SIL1: variants seen among roughly 807,000 people sequenced by gnomAD.
The protein encoded by SIL1 is SIL1 nucleotide exchange factor.
SIL1 carries 40 observed loss-of-function variants against 49.1 expected under a neutral mutation model. That is an observed-to-expected ratio of 0.81 (90% CI 0.63 to 1.06). The LOEUF is 1.06. SIL1 is among the 50% of genes least tolerant of loss of function. The pLI is 0.00. For missense variants in SIL1, 500 were observed against 572.6 expected, an observed-to-expected ratio of 0.87 and a Z score of 1.29; for synonymous variants, 253 against 250.8, an observed-to-expected ratio of 1.01 and a Z score of -0.08.
intron 7 of SIL1, among the ~76,000 whole-genome samples, chr5:138,955,862 G>C (rs548227110): frequency 1.2e-4 from 18 of 152,238 alleles, no homozygotes; most frequent in Non-Finnish European, 2.2e-4. Context: ...TCCTGCTCCA[G>C]GGTCAACCAA....
intron 3 of SIL1, among the ~76,000 whole-genome samples, chr5:139,082,699 A>C (rs1208862246): frequency 1.3e-5 from 2 of 152,200 alleles, no homozygotes; most frequent in African/African-American, 4.8e-5. Context: ...TGGTGTCTTG[A>C]TGAACTGCTG....
chr5:139,002,232 G>A (rs1489297116), intron 7 of SIL1, among the ~76,000 whole-genome samples: 1 of 151,606 alleles, frequency 6.6e-6, no homozygotes, highest in Non-Finnish European at 1.5e-5. Flanking sequence ...AAATAGATAT[G>A]ATACACACCA....
chr5:139,149,534 T>C (rs1751257617), intron 1 of SIL1, among the ~76,000 whole-genome samples: 1 of 152,020 alleles, frequency 6.6e-6, no homozygotes, highest in South Asian at 2.1e-4. Flanking sequence ...CAATACACAC[T>C]CTTAAGGAGA....
At chr5:139,019,174 T>C (rs2150426568) in intron 7 of SIL1, among the ~76,000 whole-genome samples, 1 of 152,340 alleles carries the variant, frequency 6.6e-6, no homozygotes, top group African/African-American at 2.4e-5. Flanking sequence ...GTGTTGTGTA[T>C]TTGTGCACAT....
At chr5:138,958,815 G>A (rs1287750084) in intron 7 of SIL1, among the ~76,000 whole-genome samples, 1 of 151,072 alleles carries the variant, frequency 6.6e-6, no homozygotes, top group African/African-American at 2.4e-5. Flanking sequence ...TTTGTCAAAT[G>A]ATGATATTCA....
intron 7 of SIL1, among the ~76,000 whole-genome samples, chr5:139,002,397 T>C (rs931748931): frequency 9.9e-5 from 15 of 152,170 alleles, no homozygotes; most frequent in Non-Finnish European, 1.3e-4. Flanking sequence ...GAGCGTAAGA[T>C]TTTCTGAACT....
intron 3 of SIL1, among the ~76,000 whole-genome samples, chr5:139,080,946 T>C (rs1770059493): frequency 6.6e-6 from 1 of 152,378 alleles, no homozygotes; most frequent in South Asian, 2.1e-4. Flanking sequence ...TCAATTTATA[T>C]TTAAGCAGTC....
intron 7 of SIL1, among the ~76,000 whole-genome samples, chr5:138,974,851 T>C (rs1370971755): frequency 1.3e-5 from 2 of 152,206 alleles, no homozygotes; most frequent in Non-Finnish European, 2.9e-5. Context: ...GCTTCATGTG[T>C]ATCATCCTAC....
chr5:138,973,167 C>T (rs1391976478), intron 7 of SIL1, among the ~76,000 whole-genome samples: 2 of 139,982 alleles, frequency 1.4e-5, no homozygotes, highest in East Asian at 2.1e-4. Flanking sequence ...CAAACCTGCG[C>T]GTTGTGCACA....
chr5:139,132,770 G>A (rs1750891145), intron 1 of SIL1, among the ~76,000 whole-genome samples: 1 of 152,208 alleles, frequency 6.6e-6, no homozygotes, highest in African/African-American at 2.4e-5. Flanking sequence ...TACTCAAGAA[G>A]TGGCAGGCAT....
At chr5:139,024,341 G>A (rs1768597724) in intron 6 of SIL1, among the ~76,000 whole-genome samples, 2 of 152,222 alleles carry the variant, frequency 1.3e-5, no homozygotes, top group African/African-American at 4.8e-5. Context: ...AGGGGAAAGA[G>A]AACCGAGGTT....
intron 1 of SIL1, among the ~76,000 whole-genome samples, chr5:139,145,577 C>A (rs1344298080): frequency 6.6e-6 from 1 of 151,674 alleles, no homozygotes; most frequent in Non-Finnish European, 1.5e-5. Context: ...ATGACTCAAA[C>A]AGCCATCACA....
intron 3 of SIL1, chr5:139,107,950 A>C (rs1028330441): frequency 6.6e-6 from 1 of 152,222 alleles, no homozygotes; most frequent in East Asian, 1.9e-4. Flanking sequence ...ACTAGCTATA[A>C]AAGACAGAGC....
At chr5:139,163,240 T>C (rs1350471582) in intron 1 of SIL1, among the ~76,000 whole-genome samples, 1 of 152,150 alleles carries the variant, frequency 6.6e-6, no homozygotes, top group Non-Finnish European at 1.5e-5. Context: ...GACGTGCTCC[T>C]TAAGAAATTG....
chr5:139,068,023 G>A (rs1470809876), intron 3 of SIL1, among the ~76,000 whole-genome samples: 1 of 152,188 alleles, frequency 6.6e-6, no homozygotes, highest in Non-Finnish European at 1.5e-5. Context: ...ACAAAAAAGA[G>A]GGAGCTTTGT....
intron 7 of SIL1, among the ~76,000 whole-genome samples, chr5:138,990,516 G>A (rs781110036): frequency 2.0e-5 from 3 of 152,240 alleles, no homozygotes; most frequent in East Asian, 1.9e-4. Flanking sequence ...GTCCAGTGGC[G>A]TTATCATGGC....
At chr5:138,985,866 C>A (rs1171336859) in intron 7 of SIL1, among the ~76,000 whole-genome samples, 2 of 152,230 alleles carry the variant, frequency 1.3e-5, no homozygotes, top group African/African-American at 4.8e-5. Context: ...CCCTCAGCGA[C>A]TGGCCAGTGA....
intron 3 of SIL1, among the ~76,000 whole-genome samples, chr5:139,085,033 A>C (rs1770182840): frequency 6.6e-6 from 1 of 152,212 alleles, no homozygotes; most frequent in Admixed American, 6.5e-5. Flanking sequence ...TGTGGCAACA[A>C]ATGTACATCC....
In SIL1 at chr5:138,956,809, C is replaced by A. The variant is rs537365841; in HGVS notation, c.768-4925G>T. The stretch of plus-strand genomic sequence containing the variant: ...GGAATAGGTTTAACAACAACAACAA[C>A]AAAAAACAAAAAACAAAACAAAAAA... On this transcript the variant is annotated intron_variant, in intron 7 of 9. Transcript: ENST00000394817. Among the ~76,000 whole-genome samples the A allele has an allele frequency of 6.6e-5, 10 of 150,974 alleles. No homozygotes were observed. The South Asian group carries it at 1.3e-3, about 19-fold the overall frequency.
Sources: gnomAD v4.1 joint callset for allele counts (sites outside exome capture counted in the v4.1 genomes callset) on GRCh38, gnomAD v4.1.1 for gene constraint, MANE v1.5 for transcripts, NCBI Gene and HGNC (gene_info 2026-07-23, HGNC 2026-07-21) for gene names.